The following EGFR variants were observed in gnomAD, a reference collection of about 807,000 sequenced individuals.
The protein encoded by EGFR is epidermal growth factor receptor.
Under a neutral mutation model 143.0 loss-of-function variants are expected in EGFR, and 58 were observed. That is an observed-to-expected ratio of 0.41 (90% confidence interval 0.33 to 0.50). The LOEUF is 0.50. EGFR is among the 20% of genes least tolerant of loss of function. EGFR has a pLI of 0.39. For synonymous variants in EGFR, 613 were observed against 594.4 expected, an observed-to-expected ratio of 1.03 and a Z score of -0.45; for missense variants, 1,307 against 1,579.0, an observed-to-expected ratio of 0.83 and a Z score of 2.92.
intron 13 of EGFR, among the ~76,000 whole-genome samples, chr7:55,162,612 G>T (rs1785765758): frequency 6.6e-6 from 1 of 152,188 alleles, no homozygotes; most frequent in Admixed American, 6.5e-5. Context: ...CCCACGTGGG[G>T]AGCCCCATGT....
chr7:55,093,799 T>C (rs745852099), intron 1 of EGFR, among the ~76,000 whole-genome samples: 1 of 152,216 alleles, frequency 6.6e-6, no homozygotes, highest in Non-Finnish European at 1.5e-5. Context: ...ATCCGAGGTC[T>C]CACTTCCATA....
rs564109165 is a variant in EGFR at position 55,077,047 on chromosome 7, G to A, written c.88+57682G>A. On this transcript the variant is annotated intron_variant, in intron 1 of 27. Transcript: ENST00000275493. ...CAAAAATCCATGTCAATCCCAATAT[G>A]TGAGTACAACTATTGAACACCATGT... 5.7e-4 allele frequency among the ~76,000 whole-genome samples: 87 copies of A among 152,140 alleles called. 1 individual carries two copies. Among genetic ancestry groups the A allele is most frequent in the African/African-American group, 2.0e-3 (83 of 41,524 alleles).
In EGFR at chr7:55,181,284, T is replaced by G. The variant is rs762797471; in HGVS notation, c.2284-9T>G. ...GAAGCCACACTGACGTGCCTCTCCC[T>G]CCCTCCAGGAAGCCTACGTGATGGC... On this transcript the variant is annotated splice_polypyrimidine_tract_variant and intron_variant, in intron 19 of 27. Transcript: ENST00000275493. The G allele has an allele frequency of 6.2e-7, 1 of 1,613,844 alleles. No homozygotes were observed.
chr7:55,154,405 G>A (rs1007363018), intron 7 of EGFR, among the ~76,000 whole-genome samples: 2 of 152,238 alleles, frequency 1.3e-5, no homozygotes, highest in Admixed American at 1.3e-4. Context: ...TGGGTGGCCA[G>A]GCCACCTCAC....
In EGFR at chr7:55,116,299, G is replaced by C. The variant is rs554631334; in HGVS notation, c.89-25987G>C. ...CAGCTATTGAGATTCCTGTGCCCAC[G>C]CAATGCGCACATCCCACCCCTGGCC... On this transcript the variant is annotated intron_variant, in intron 1 of 27. Transcript: ENST00000275493. 7.9e-5 allele frequency among the ~76,000 whole-genome samples: 12 copies of C among 152,204 alleles called. No individual in the cohort carries two copies. The East Asian group carries it at 2.3e-3, about 29-fold the overall frequency.
intron 1 of EGFR, among the ~76,000 whole-genome samples, chr7:55,140,240 G>A (rs1794385998): frequency 6.6e-6 from 1 of 152,108 alleles, no homozygotes. Context: ...AGAGAAACTT[G>A]CAAGCTGACG....
At chr7:55,166,535 T>TACTG (rs1360040544) in intron 15 of EGFR, among the ~76,000 whole-genome samples, 4 of 152,344 alleles carry the variant, frequency 2.6e-5, no homozygotes, top group African/African-American at 9.6e-5. Context: ...AAATGGTGAA[T>TACTG]ACTGAGTCAA....
intron 1 of EGFR, among the ~76,000 whole-genome samples, chr7:55,094,411 G>A (rs1184006609): frequency 1.3e-5 from 2 of 152,218 alleles, no homozygotes; most frequent in South Asian, 4.1e-4. Flanking sequence ...GATCATCTGG[G>A]GAGACTGGCC....
chr7:55,061,119 C>G (rs1283592690), intron 1 of EGFR, among the ~76,000 whole-genome samples: 7 of 152,208 alleles, frequency 4.6e-5, no homozygotes, highest in African/African-American at 1.7e-4. Flanking sequence ...AAATCACATG[C>G]CCCAGTGGGA....
intron 1 of EGFR, among the ~76,000 whole-genome samples, chr7:55,024,154 G>C (rs1786747228): frequency 6.6e-6 from 1 of 152,222 alleles, no homozygotes; most frequent in African/African-American, 2.4e-5. Flanking sequence ...GGGAGCAGGA[G>C]GGGTAGTTGG....
At chr7:55,038,815 A>G (rs1455243729) in intron 1 of EGFR, among the ~76,000 whole-genome samples, 1 of 152,046 alleles carries the variant, frequency 6.6e-6, no homozygotes, top group Non-Finnish European at 1.5e-5. Flanking sequence ...CATCTTAAGG[A>G]AATTAAGAGG....
intron 1 of EGFR, among the ~76,000 whole-genome samples, chr7:55,060,203 A>G (rs1170665302): frequency 6.6e-6 from 1 of 152,234 alleles, no homozygotes; most frequent in Non-Finnish European, 1.5e-5. Flanking sequence ...TTAACTGCCA[A>G]ATTGTCATGT....
chr7:55,140,323 G>T (rs1393051057), intron 1 of EGFR, among the ~76,000 whole-genome samples: 1 of 152,060 alleles, frequency 6.6e-6, no homozygotes, highest in South Asian at 2.1e-4. Context: ...CTTCTGCAAC[G>T]TGTTCCAGCC....
At chr7:55,029,416 T>G (rs1005842547) in intron 1 of EGFR, among the ~76,000 whole-genome samples, 1 of 152,216 alleles carries the variant, frequency 6.6e-6, no homozygotes, top group Non-Finnish European at 1.5e-5. Context: ...CCTTCCTTGC[T>G]TTCTTTCTTC....
At chr7:55,045,847 C>A (rs767265861) in intron 1 of EGFR, among the ~76,000 whole-genome samples, 1 of 152,108 alleles carries the variant, frequency 6.6e-6, no homozygotes, top group Non-Finnish European at 1.5e-5. Context: ...GTTGGCTGTT[C>A]GGTGTTTCAC....
rs1479397244 is a variant in EGFR, at chr7:55,210,634, A to G, written c.*5017A>G. On this transcript the variant is annotated 3_prime_UTR_variant, in exon 28 of 28. Coordinates refer to ENST00000275493, the MANE Select transcript of EGFR (RefSeq NM_005228.5). ...AGAGAGCTAAGACACAAAGACCTCCACATCTGTCGCTGAGAGTCAAGAACC... is the reference window on the plus strand; with the variant it reads ...AGAGAGCTAAGACACAAAGACCTCCGCATCTGTCGCTGAGAGTCAAGAACC... The G allele has an allele frequency of 6.6e-6, 1 of 152,232 alleles. No individual in the cohort carries two copies. Among genetic ancestry groups the G allele is most frequent in the Non-Finnish European group, 1.5e-5 (1 of 68,046 alleles). The allele number at this position is 152,232 out of a possible 1,614,324, so 9.4% of individuals were successfully genotyped here.
chr7:55,175,778 A>G (rs1237210467), intron 19 of EGFR, among the ~76,000 whole-genome samples: 1 of 152,240 alleles, frequency 6.6e-6, no homozygotes, highest in African/African-American at 2.4e-5. Context: ...CATAGCAAGT[A>G]AAGAGAACAT....
At position 55,165,345 on chromosome 7, in the gene EGFR, G is replaced by A. The variant is rs17290162; in HGVS notation, c.1788G>A (p.Pro596=). ...IDGPHCVKTC[P]AGVMGENNTL... is the part of the protein sequence containing the mutation. Reference sequence around the variant, plus strand: ...GCCCCCACTGCGTCAAGACCTGCCCGGCAGGAGTCATGGGAGAAAACAACA... The same window carrying A: ...GCCCCCACTGCGTCAAGACCTGCCCAGCAGGAGTCATGGGAGAAAACAACA... Residue 596 remains proline, a synonymous_variant, in exon 15 of 28, where the codon CCG becomes CCA. Transcript: ENST00000275493. 2,598 of 1,614,122 alleles carry A rather than the reference G, an allele frequency of 1.6e-3. 47 individuals are homozygous for A. In the African/African-American group the frequency reaches 0.029, roughly 18 times the overall value.
intron 1 of EGFR, chr7:55,109,945 A>G (rs1425635307): frequency 1.0e-6 from 1 of 985,330 alleles, no homozygotes; most frequent in Non-Finnish European, 1.2e-6. Flanking sequence ...TGAGAAGGTT[A>G]TCCGGATAAC....
Sources: gnomAD v4.1 joint callset for allele counts (sites outside exome capture counted in the v4.1 genomes callset) on GRCh38, gnomAD v4.1.1 for gene constraint, MANE v1.5 for transcripts, NCBI Gene and HGNC (gene_info 2026-07-23, HGNC 2026-07-21) for gene names.